Variants in HRH1 observed in about 807,000 individuals in gnomAD.
HRH1 encodes the protein histamine H1 receptor.
A neutral mutation model predicts 10.3 loss-of-function variants in HRH1; 6 were observed. The ratio of observed to expected loss-of-function variants is 0.58; its 90% confidence interval spans 0.32 to 1.15. The LOEUF (loss-of-function observed/expected upper bound fraction) is 1.15. Ranked by LOEUF, HRH1 falls within the 50% of genes most tolerant of loss-of-function variation. HRH1 has a pLI of 0.05. For synonymous variants in HRH1, 242 were observed against 236.7 expected (o/e 1.02, Z -0.21); for missense variants, 514 against 615.3 (o/e 0.84, Z 1.74).
rs146531025 is a variant in HRH1, at chr3:11,231,274, T to C, written c.-35-27729T>C. 4.6e-5 allele frequency among the ~76,000 whole-genome samples: 7 copies of C among 152,380 alleles called. No homozygotes were observed. The East Asian group carries it at 1.3e-3, about 29-fold the overall frequency. ...GGTTGTTTCCAGCATTGAGCTATTA[T>C]GAATAAAACTGCTATAAGCATTCAT... On this transcript the variant is annotated intron_variant, in intron 1 of 1. Coordinates refer to ENST00000431010, the MANE Select transcript of HRH1 (RefSeq NM_001098212.2).
At chr3:11,198,877 T>C (rs1937781657) in intron 1 of HRH1, among the ~76,000 whole-genome samples, 1 of 151,622 alleles carries the variant, frequency 6.6e-6, no homozygotes, top group Non-Finnish European at 1.5e-5. Flanking sequence ...CACCACCCTG[T>C]GTATTGTAAA....
intron 1 of HRH1, among the ~76,000 whole-genome samples, chr3:11,207,141 T>C (rs1279145727): frequency 6.6e-6 from 1 of 150,980 alleles, no homozygotes. Context: ...GGTCTGAGGG[T>C]TGATGGTGGG....
At chr3:11,196,672 A>G (rs903630846) in intron 1 of HRH1, among the ~76,000 whole-genome samples, 12 of 152,120 alleles carry the variant, frequency 7.9e-5, no homozygotes, top group East Asian at 1.9e-4. Context: ...CCTTCAGCCC[A>G]TATAAAATAT....
intron 1 of HRH1, among the ~76,000 whole-genome samples, chr3:11,232,554 T>C (rs1292891381): frequency 6.6e-6 from 1 of 152,218 alleles, no homozygotes; most frequent in Non-Finnish European, 1.5e-5. Flanking sequence ...AGTTTTGAAA[T>C]TGGGTAGGTC....
Position 11,260,819 on chromosome 3 carries a change from T to C in HRH1, c.*318T>C. ...GAATCAGACCTGGGTGGAACTCTCC[T>C]GCTCCTCAGGAACTATGGGAGCCTC... On this transcript the variant is annotated 3_prime_UTR_variant, in exon 2 of 2. Transcript: ENST00000431010. 1 of 277,690 alleles carries C rather than the reference T, an allele frequency of 3.6e-6. No homozygotes were observed. Among genetic ancestry groups the C allele is most frequent in the Non-Finnish European group, 7.2e-6 (1 of 138,308 alleles). 17.2% of individuals were successfully genotyped at this position (277,690 alleles called of 1,614,324 possible). A position where few individuals can be genotyped will look rare whatever the true frequency, so the allele number is the denominator to read the frequency against.
intron 1 of HRH1, among the ~76,000 whole-genome samples, chr3:11,183,364 C>T (rs986768929): frequency 6.6e-6 from 1 of 152,186 alleles, no homozygotes; most frequent in Non-Finnish European, 1.5e-5. Context: ...GTGGTCTTGA[C>T]CCTAGGGACA....
At chr3:11,190,371 T>A (rs1216222001) in intron 1 of HRH1, among the ~76,000 whole-genome samples, 4,537 of 149,096 alleles carry the variant, frequency 0.03, 229 homozygotes, top group East Asian at 0.14. Context: ...ATATATTTTT[T>A]AATTAATTAA....
chr3:11,260,737 C>A lies in HRH1; in HGVS notation c.*236C>A. 2 of 477,252 alleles carry A rather than the reference C, an allele frequency of 4.2e-6. No homozygotes were observed. Among genetic ancestry groups the A allele is most frequent in the Non-Finnish European group, 3.8e-6 (1 of 264,220 alleles). 29.6% of individuals were successfully genotyped at this position (477,252 alleles called of 1,614,324 possible). A position where few individuals can be genotyped will look rare whatever the true frequency, so the allele number is the denominator to read the frequency against. ...GCAGAATCTTTGCAAGAAAGTCAGACCTGTTTCTTGTAACTGGGTTCAAAA... is the reference window on the plus strand; with the variant it reads ...GCAGAATCTTTGCAAGAAAGTCAGAACTGTTTCTTGTAACTGGGTTCAAAA... On this transcript the variant is annotated 3_prime_UTR_variant, in exon 2 of 2. Coordinates refer to ENST00000431010, the MANE Select transcript of HRH1 (RefSeq NM_001098212.2).
chr3:11,158,506 C>T (rs1188429293), intron 1 of HRH1, among the ~76,000 whole-genome samples: 1 of 152,220 alleles, frequency 6.6e-6, no homozygotes, highest in African/African-American at 2.4e-5. Context: ...TTACACTGAG[C>T]TTTCCATTGC....
At chr3:11,244,254 A>G (rs1221093077) in intron 1 of HRH1, among the ~76,000 whole-genome samples, 1 of 152,212 alleles carries the variant, frequency 6.6e-6, no homozygotes, top group Non-Finnish European at 1.5e-5. Context: ...CCTTTATTTT[A>G]AGGCTGTTTT....
chr3:11,157,763 G>A (rs1209492520), intron 1 of HRH1, among the ~76,000 whole-genome samples: 1 of 152,234 alleles, frequency 6.6e-6, no homozygotes, highest in Non-Finnish European at 1.5e-5. Context: ...ATTGAAACTT[G>A]TTGTTGCCAG....
chr3:11,194,757 G>A (rs374834214), intron 1 of HRH1, among the ~76,000 whole-genome samples: 6 of 152,204 alleles, frequency 3.9e-5, no homozygotes, highest in Non-Finnish European at 8.8e-5. Context: ...AGAGGTTGCA[G>A]TGAGCTGAGA....
At chr3:11,145,649 C>G (rs2124995388) in intron 1 of HRH1, among the ~76,000 whole-genome samples, 1 of 152,182 alleles carries the variant, frequency 6.6e-6, no homozygotes, top group East Asian at 1.9e-4. Flanking sequence ...ATGTAAAGTT[C>G]AATGAATTTT....
At chr3:11,199,948 T>C (rs1215635245) in intron 1 of HRH1, among the ~76,000 whole-genome samples, 1 of 152,224 alleles carries the variant, frequency 6.6e-6, no homozygotes, top group Non-Finnish European at 1.5e-5. Flanking sequence ...GCTCAGCCCA[T>C]CATGGGAAAC....
At chr3:11,215,194 C>T (rs1358022000) in intron 1 of HRH1, among the ~76,000 whole-genome samples, 1 of 152,226 alleles carries the variant, frequency 6.6e-6, no homozygotes, top group Non-Finnish European at 1.5e-5. Flanking sequence ...TAATTTAACA[C>T]TTGTTTAAGG....
intron 1 of HRH1, among the ~76,000 whole-genome samples, chr3:11,172,168 A>G (rs1034903425): frequency 1.3e-5 from 2 of 152,248 alleles, no homozygotes; most frequent in African/African-American, 2.4e-5. Flanking sequence ...CTACAGAGCC[A>G]TTGAAGAATT....
At position 11,201,817 on chromosome 3, in the gene HRH1, C is replaced by T. The variant is rs548617715; in HGVS notation, c.-36+47263C>T. Among the ~76,000 whole-genome samples, 20 of 152,322 alleles carry T rather than the reference C, an allele frequency of 1.3e-4. 1 individual carries two copies. The highest frequency in any genetic ancestry group is 3.9e-4 in the Admixed American group (6 of 15,304). On this transcript the variant is annotated intron_variant, in intron 1 of 1. Transcript: ENST00000431010. ...AGCTGGGAAAAATAAAAGCGGGGAC[C>T]TTGCCCCTCTCTGTGAAGTCCAGGC...
intron 1 of HRH1, among the ~76,000 whole-genome samples, chr3:11,227,397 C>T (rs347608): frequency 0.3 from 45,199 of 151,658 alleles, 7,992 homozygotes; most frequent in Non-Finnish European, 0.41. Flanking sequence ...AGCAATTCTC[C>T]TGCCTCAGCC....
At chr3:11,253,338 A>G (rs1221479653) in intron 1 of HRH1, 1 of 152,172 alleles carries the variant, frequency 6.6e-6, no homozygotes, top group Non-Finnish European at 1.5e-5. Flanking sequence ...AAGTGGGATG[A>G]CTTTTTCTTC....
Sources: gnomAD v4.1 joint callset for allele counts (sites outside exome capture counted in the v4.1 genomes callset) on GRCh38, gnomAD v4.1.1 for gene constraint, MANE v1.5 for transcripts, NCBI Gene and HGNC (gene_info 2026-07-23, HGNC 2026-07-21) for gene names.